The following HLCS variants were observed in gnomAD, a reference collection of about 807,000 sequenced individuals.
HLCS encodes the protein holocarboxylase synthetase, also known as biotin--protein ligase.
In HLCS, 53 loss-of-function variants were observed where a neutral mutation model predicts 75.0. That is an observed-to-expected ratio of 0.71 (90% confidence interval 0.57 to 0.89). The LOEUF (loss-of-function observed/expected upper bound fraction) is 0.89. HLCS is among the 40% of genes least tolerant of loss of function. HLCS has a pLI of 0.00. For missense variants in HLCS, 966 were observed against 1,074.0 expected, an observed-to-expected ratio of 0.90 and a Z score of 1.41; for synonymous variants, 431 against 428.6, an observed-to-expected ratio of 1.01 and a Z score of -0.07.
At chr21:36,864,561 GTTT>G (rs1488206735) in intron 6 of HLCS, among the ~76,000 whole-genome samples, 1 of 151,976 alleles carries the variant, frequency 6.6e-6, no homozygotes, top group Non-Finnish European at 1.5e-5. Flanking sequence ...AAAAATTGTA[GTTT>G]TTATTTCCTG....
chr21:36,980,622 GGCGGCCGC>G (rs2069093542), intron 1 of HLCS: 1 of 152,398 alleles, frequency 6.6e-6, no homozygotes, highest in Admixed American at 6.5e-5. Context: ...CAGAGCCCCG[GGCGGCCGC>G]GCGTCCCTAC....
intron 6 of HLCS, among the ~76,000 whole-genome samples, chr21:36,775,335 T>C (rs932302502): frequency 6.6e-5 from 10 of 152,252 alleles, no homozygotes; most frequent in African/African-American, 1.9e-4. Context: ...TTACTAATGT[T>C]GGTCTGTATT....
intron 4 of HLCS, among the ~76,000 whole-genome samples, chr21:36,930,634 C>T (rs963023678): frequency 6.6e-6 from 1 of 151,950 alleles, no homozygotes; most frequent in Non-Finnish European, 1.5e-5. Context: ...TATGAGCCAC[C>T]ACATCTGGCC....
intron 6 of HLCS, among the ~76,000 whole-genome samples, chr21:36,844,310 C>T (rs1356631347): frequency 6.6e-6 from 1 of 151,798 alleles, no homozygotes; most frequent in East Asian, 1.9e-4. Flanking sequence ...AAATGTACCA[C>T]ACTAATGAAA....
intron 5 of HLCS, among the ~76,000 whole-genome samples, chr21:36,924,731 G>C (rs942654640): frequency 1.3e-5 from 2 of 152,218 alleles, no homozygotes; most frequent in South Asian, 4.2e-4. Flanking sequence ...TAACTAGAAC[G>C]CATGCCACAA....
intron 2 of HLCS, among the ~76,000 whole-genome samples, chr21:36,958,119 T>C (rs2068067732): frequency 6.6e-6 from 1 of 151,296 alleles, no homozygotes; most frequent in African/African-American, 2.4e-5. Flanking sequence ...AGCATGTGCC[T>C]GTAGTCCCAG....
intron 2 of HLCS, among the ~76,000 whole-genome samples, chr21:36,955,970 G>A (rs948391738): frequency 6.6e-6 from 1 of 152,150 alleles, no homozygotes; most frequent in African/African-American, 2.4e-5. Context: ...TAGCCTAGGA[G>A]CAATAGGCTA....
intron 6 of HLCS, among the ~76,000 whole-genome samples, chr21:36,895,562 C>T (rs1296690399): frequency 1.3e-5 from 2 of 152,190 alleles, no homozygotes; most frequent in African/African-American, 4.8e-5. Context: ...ATAATCCTCC[C>T]AAACAACTCT....
intron 6 of HLCS, among the ~76,000 whole-genome samples, chr21:36,799,624 G>C (rs942346181): frequency 6.6e-6 from 1 of 152,162 alleles, no homozygotes; most frequent in Admixed American, 6.5e-5. Context: ...ACATAGAGAA[G>C]GGAAGGGGCT....
At chr21:36,979,740 C>A (rs768783460) in intron 1 of HLCS, among the ~76,000 whole-genome samples, 1 of 151,958 alleles carries the variant, frequency 6.6e-6, no homozygotes, top group African/African-American at 2.4e-5. Context: ...CATAGGGAGA[C>A]TCCATCTGTA....
At chr21:36,887,719 A>T (rs2146295579) in intron 6 of HLCS, among the ~76,000 whole-genome samples, 1 of 152,366 alleles carries the variant, frequency 6.6e-6, no homozygotes, top group South Asian at 2.1e-4. Context: ...CTTTTAAAGT[A>T]CCAAACTGAC....
At chr21:36,924,978 A>T (rs550804079) in intron 5 of HLCS, among the ~76,000 whole-genome samples, 99 of 152,168 alleles carry the variant, frequency 6.5e-4, no homozygotes, top group Admixed American at 9.2e-4. Context: ...TATACAATTT[A>T]AAAAAAAGTA....
chr21:36,788,761 T>C (rs988716996), intron 6 of HLCS, among the ~76,000 whole-genome samples: 1 of 152,212 alleles, frequency 6.6e-6, no homozygotes, highest in Non-Finnish European at 1.5e-5. Context: ...ATAACTTCTT[T>C]GGTAAAGATG....
chr21:36,914,149 G>A (rs564228667), intron 5 of HLCS, among the ~76,000 whole-genome samples: 1 of 152,338 alleles, frequency 6.6e-6, no homozygotes, highest in Non-Finnish European at 1.5e-5. Context: ...TTAGGAGCAC[G>A]GGAGCCCAGG....
intron 9 of HLCS, chr21:36,759,269 G>C (rs2089730471): frequency 2.1e-6 from 1 of 465,122 alleles, no homozygotes. Flanking sequence ...GGTGAAACAG[G>C]GATTCTTTAC....
chr21:36,966,822 G>GGAGGGGC (rs1555974568), upstream of HLCS, among the ~76,000 whole-genome samples: 2 of 147,772 alleles, frequency 1.4e-5, no homozygotes, highest in African/African-American at 4.9e-5. Flanking sequence ...GGGAGGGGCG[G>GGAGGGGC]GGGGGGGTGA....
intron 6 of HLCS, among the ~76,000 whole-genome samples, chr21:36,788,692 T>C (rs2060769712): frequency 6.6e-6 from 1 of 152,056 alleles, no homozygotes; most frequent in African/African-American, 2.4e-5. Flanking sequence ...ATAAAATGAG[T>C]GTGTTATTAA....
At chr21:36,858,706 G>T (rs970152304) in intron 6 of HLCS, among the ~76,000 whole-genome samples, 4 of 152,212 alleles carry the variant, frequency 2.6e-5, no homozygotes, top group Admixed American at 6.5e-5. Flanking sequence ...GCTGTTGTCA[G>T]GCTGGGAGGG....
At position 36,902,083 on chromosome 21, in the gene HLCS, C is replaced by G. The variant is rs145163517; in HGVS notation, c.1621-4952G>C. ...GAAGTCACCGCTGGCCTTGGTGCCA[C>G]AGAGCCCAGACTCTGATGAGAGCAG... On this transcript the variant is annotated intron_variant, in intron 5 of 10. Coordinates refer to ENST00000674895, the MANE Select transcript of HLCS (RefSeq NM_001352514.2). 4.6e-5 allele frequency among the ~76,000 whole-genome samples: 7 copies of G among 152,226 alleles called. No homozygotes were observed. In the East Asian group the frequency reaches 1.4e-3, roughly 30 times the overall value.
Sources: allele counts gnomAD v4.1 joint callset (sites outside exome capture counted in the v4.1 genomes callset), GRCh38; gene constraint gnomAD v4.1.1; transcripts MANE v1.5; gene names NCBI Gene and HGNC (gene_info 2026-07-23, HGNC 2026-07-21).